RHBDL2: variants seen among roughly 807,000 people sequenced by gnomAD.
RHBDL2 encodes rhomboid-related protein 2.
Under a neutral mutation model 31.7 loss-of-function variants are expected in RHBDL2, and 26 were observed. That is an observed-to-expected ratio of 0.82 (90% CI 0.60 to 1.14). The LOEUF is 1.14. Ranked by LOEUF, RHBDL2 falls within the 50% of genes most tolerant of loss-of-function variation. The pLI, the probability that RHBDL2 is intolerant of heterozygous loss-of-function variation, is 0.00. For missense variants in RHBDL2, 336 were observed against 364.4 expected (o/e 0.92, Z 0.63); for synonymous variants, 123 against 127.2 (o/e 0.97, Z 0.22).
chr1:38,919,140 C>G lies in RHBDL2; in HGVS notation c.73G>C (p.Glu25Gln), dbSNP rs1334556336. The stretch of plus-strand genomic sequence containing the variant: ...TCCTCTCTCATTTTCTCCTCTTCCT[C>G]CAGCTCTTCTTTCATCTCTCTCCCC... ...NMGREMKEELEEEEKMREDGG... is the reference protein window; with the variant it reads ...NMGREMKEELQEEEKMREDGG... The change falls in exon 2 of 8, where the codon GAG (glutamate) becomes CAG (glutamine). Residue 25 changes from glutamate (E) to glutamine (Q), a missense_variant. By Grantham distance (29) the Glu-to-Gln change is conservative. Coordinates refer to ENST00000372990, the MANE Select transcript of RHBDL2 (RefSeq NM_017821.5). 6.2e-7 allele frequency: 1 copy of G among 1,614,118 alleles called. No individual in the cohort carries two copies. Among genetic ancestry groups the G allele is most frequent in the Admixed American group, 1.7e-5 (1 of 59,994 alleles).
chr1:38,920,238 G>A (rs6703031), intron 1 of RHBDL2, among the ~76,000 whole-genome samples: 35,341 of 146,106 alleles, frequency 0.24, 4,281 homozygotes, highest in Middle Eastern at 0.26. Context: ...TGCGATCTCG[G>A]CTCACTGGAA....
At chr1:38,889,027 G>A (rs867465334) in intron 6 of RHBDL2, among the ~76,000 whole-genome samples, 1 of 152,112 alleles carries the variant, frequency 6.6e-6, no homozygotes, top group African/African-American at 2.4e-5. Context: ...GCCATTGTAA[G>A]GACTTCAACC....
intron 4 of RHBDL2, among the ~76,000 whole-genome samples, chr1:38,907,058 T>C (rs1643075444): frequency 1.3e-5 from 2 of 152,266 alleles, no homozygotes; most frequent in African/African-American, 4.8e-5. Context: ...GGGATAGACA[T>C]AGAGATTGAT....
intron 2 of RHBDL2, among the ~76,000 whole-genome samples, chr1:38,916,802 C>T (rs912717045): frequency 1.2e-4 from 17 of 143,132 alleles, no homozygotes; most frequent in Non-Finnish European, 2.6e-4. Context: ...CCCTGGACAG[C>T]GGAGGTTGCA....
intron 3 of RHBDL2, among the ~76,000 whole-genome samples, chr1:38,912,489 C>T (rs1301109964): frequency 6.6e-6 from 1 of 151,980 alleles, no homozygotes; most frequent in African/African-American, 2.4e-5. Flanking sequence ...ACTACATTTC[C>T]ATCTCCTGGG....
At chr1:38,897,555 TA>T (rs1176049136) in intron 4 of RHBDL2, among the ~76,000 whole-genome samples, 8 of 151,780 alleles carry the variant, frequency 5.3e-5, no homozygotes, top group African/African-American at 1.7e-4. Context: ...TCCAAAAATA[TA>T]AGAAAAATAT....
intron 4 of RHBDL2, among the ~76,000 whole-genome samples, chr1:38,902,496 T>G (rs1432474647): frequency 6.6e-6 from 1 of 151,572 alleles, no homozygotes; most frequent in Non-Finnish European, 1.5e-5. Context: ...CTCAGGTCAC[T>G]GTAACCTCTG....
At chr1:38,921,461 T>C (rs1345650170) in intron 1 of RHBDL2, among the ~76,000 whole-genome samples, 2 of 152,176 alleles carry the variant, frequency 1.3e-5, no homozygotes, top group Non-Finnish European at 2.9e-5. Context: ...GATGGATGAA[T>C]GAGTTTTAGA....
intron 1 of RHBDL2, among the ~76,000 whole-genome samples, chr1:38,932,650 G>A (rs545411234): frequency 2.0e-5 from 3 of 152,208 alleles, no homozygotes; most frequent in East Asian, 1.9e-4. Flanking sequence ...TGTAGAGATG[G>A]GGTTTTGCCA....
intron 5 of RHBDL2, among the ~76,000 whole-genome samples, chr1:38,895,337 A>AAAAAT (rs1198891678): frequency 1.3e-5 from 2 of 152,204 alleles, no homozygotes; most frequent in Non-Finnish European, 2.9e-5. Context: ...GTTTCCTTTA[A>AAAAAT]AAAATAAAAT....
At chr1:38,918,904 C>T (rs986174752) in intron 2 of RHBDL2, 63 bp downstream of exon 2, 1 of 1,567,052 alleles carries the variant, frequency 6.4e-7, no homozygotes, top group African/African-American at 1.4e-5. Flanking sequence ...TAGATCTGAC[C>T]CCTAGTTTGT....
intron 1 of RHBDL2, among the ~76,000 whole-genome samples, chr1:38,939,747 G>T (rs1298244245): frequency 6.6e-6 from 1 of 152,068 alleles, no homozygotes; most frequent in Non-Finnish European, 1.5e-5. Context: ...TCACTGTGTT[G>T]CCCAGGCCAG....
chr1:38,902,930 AT>A (rs1322278480), intron 4 of RHBDL2, among the ~76,000 whole-genome samples: 1 of 152,212 alleles, frequency 6.6e-6, no homozygotes, highest in Non-Finnish European at 1.5e-5. Flanking sequence ...TAAATAACAC[AT>A]TTTAAATAAC....
At chr1:38,904,471 C>CAA (rs1171195145) in intron 4 of RHBDL2, among the ~76,000 whole-genome samples, 1 of 122,472 alleles carries the variant, frequency 8.2e-6, no homozygotes, top group Non-Finnish European at 1.7e-5. Context: ...GACTCCGTCT[C>CAA]AAAAAAAAAA....
chr1:38,906,079 A>C (rs1643062822), intron 4 of RHBDL2, among the ~76,000 whole-genome samples: 2 of 152,066 alleles, frequency 1.3e-5, no homozygotes, highest in South Asian at 4.1e-4. Context: ...AAAAAAAAAA[A>C]AAAACTTACA....
chr1:38,895,168 G>A lies in RHBDL2; in HGVS notation c.609+801C>T, dbSNP rs77807730. 1.8e-3 allele frequency among the ~76,000 whole-genome samples: 267 copies of A among 152,288 alleles called. 1 individual carries two copies. The highest frequency in any genetic ancestry group is 6.3e-3 in the African/African-American group (263 of 41,562). The stretch of plus-strand genomic sequence containing the variant: ...TTCTAAGCACTGACATGGGTAGATG[G>A]TCAGGATGCTCTATGATAAAATGCA... On this transcript the variant is annotated intron_variant, in intron 5 of 7. Transcript: ENST00000372990.
At chr1:38,912,906 A>ATG (rs1400185946) in intron 3 of RHBDL2, among the ~76,000 whole-genome samples, 18 of 34,126 alleles carry the variant, frequency 5.3e-4, no homozygotes, top group South Asian at 2.0e-3. Flanking sequence ...ATATATATAT[A>ATG]TATATGTGTG....
intron 1 of RHBDL2, among the ~76,000 whole-genome samples, chr1:38,940,325 A>G (rs1460439471): frequency 6.6e-6 from 1 of 152,130 alleles, no homozygotes; most frequent in Admixed American, 6.6e-5. Context: ...ACCACAAACC[A>G]GCACCTGACA....
chr1:38,908,373 G>A (rs1435640090), intron 4 of RHBDL2, among the ~76,000 whole-genome samples: 3 of 151,792 alleles, frequency 2.0e-5, no homozygotes, highest in East Asian at 3.9e-4. Flanking sequence ...TTAGCCGGGT[G>A]TGGTGGTGCC....
Sources: gnomAD v4.1 joint callset for allele counts (sites outside exome capture counted in the v4.1 genomes callset) on GRCh38, gnomAD v4.1.1 for gene constraint, MANE v1.5 for transcripts, NCBI Gene and HGNC (gene_info 2026-07-23, HGNC 2026-07-21) for gene names.